The following BPGM variants were observed in gnomAD, a reference collection of about 807,000 sequenced individuals.
BPGM encodes the protein bisphosphoglycerate mutase, also known as 2,3-bisphosphoglycerate mutase, erythrocyte.
Under a neutral mutation model 21.6 loss-of-function variants are expected in BPGM, and 15 were observed. That is an observed-to-expected ratio of 0.70 (90% CI 0.47 to 1.07). BPGM has a LOEUF of 1.07. Ranked by LOEUF, BPGM falls within the 50% of genes least tolerant of loss-of-function variation. BPGM has a pLI of 0.00. For missense variants in BPGM, 273 were observed against 319.0 expected, an observed-to-expected ratio of 0.86 and a Z score of 1.10; for synonymous variants, 113 against 116.2, an observed-to-expected ratio of 0.97 and a Z score of 0.18.
chr7:134,673,396 C>T (rs182918478), intron 2 of BPGM, among the ~76,000 whole-genome samples: 77 of 152,216 alleles, frequency 5.1e-4, no homozygotes, highest in African/African-American at 1.5e-3. Flanking sequence ...TGAAATATTA[C>T]GGCGGCCTTT....
intron 2 of BPGM, among the ~76,000 whole-genome samples, chr7:134,671,869 A>G (rs758428484): frequency 5.9e-4 from 90 of 152,226 alleles, no homozygotes; most frequent in Non-Finnish European, 1.1e-3. Flanking sequence ...TGGGTGATAC[A>G]GAAATGGATC....
intron 2 of BPGM, among the ~76,000 whole-genome samples, chr7:134,669,611 C>T: frequency 6.6e-6 from 1 of 152,148 alleles, no homozygotes; most frequent in East Asian, 1.9e-4. Flanking sequence ...ATTGCAAACA[C>T]TGAAACCACA....
At chr7:134,660,803 A>G (rs1432852297) in intron 1 of BPGM, 2 of 152,770 alleles carry the variant, frequency 1.3e-5, no homozygotes, top group Non-Finnish European at 2.9e-5. Flanking sequence ...TTTGGTGTTA[A>G]TGTCTCTTTA....
intron 2 of BPGM, among the ~76,000 whole-genome samples, chr7:134,663,354 A>AGTAATGGCTT (rs1795765614): frequency 1.4e-5 from 2 of 145,822 alleles, no homozygotes; most frequent in Non-Finnish European, 3.0e-5. Flanking sequence ...TATTGGCTAG[A>AGTAATGGCTT]CATGGCACTT....
rs563063308 is a variant in BPGM at position 134,677,241 on chromosome 7, T to A, written c.602-1612T>A. ...CTTTAAAATGCTGGCAAAGGAAGAG[T>A]GTGTGTTTCTTTTCTTTCTTTCTTT... is the stretch of plus-strand genomic sequence containing the variant. On this transcript the variant is annotated intron_variant, in intron 2 of 2. Coordinates refer to ENST00000344924, the MANE Select transcript of BPGM (RefSeq NM_001724.5). Among the ~76,000 whole-genome samples, 5 of 151,712 alleles carry A rather than the reference T, an allele frequency of 3.3e-5. No homozygotes were observed. In the East Asian group the frequency reaches 9.7e-4, roughly 30 times the overall value.
intron 1 of BPGM, among the ~76,000 whole-genome samples, chr7:134,649,257 G>A (rs1020643848): frequency 1.3e-5 from 2 of 151,950 alleles, no homozygotes; most frequent in African/African-American, 2.4e-5. Flanking sequence ...CCATTACAAG[G>A]ATATACTCTT....
chr7:134,666,762 A>C (rs10273409), intron 2 of BPGM, among the ~76,000 whole-genome samples: 271 of 152,348 alleles, frequency 1.8e-3, no homozygotes, highest in African/African-American at 6.3e-3. Context: ...GGATCACTGC[A>C]TAAGTTATTG....
At chr7:134,677,358 T>TG (rs1259658465) in intron 2 of BPGM, among the ~76,000 whole-genome samples, 1 of 152,194 alleles carries the variant, frequency 6.6e-6, no homozygotes, top group Admixed American at 6.5e-5. Context: ...GGGCAGGTGA[T>TG]GGGACAGTAC....
intron 1 of BPGM, among the ~76,000 whole-genome samples, chr7:134,653,469 G>C (rs971712395): frequency 6.6e-6 from 1 of 152,190 alleles, no homozygotes; most frequent in Non-Finnish European, 1.5e-5. Flanking sequence ...AGTAAGTGCT[G>C]CCTGATCCTG....
intron 2 of BPGM, among the ~76,000 whole-genome samples, chr7:134,670,018 T>G (rs193234424): frequency 6.6e-6 from 1 of 152,252 alleles, no homozygotes; most frequent in Admixed American, 6.5e-5. Context: ...TCTCTGTGGT[T>G]GGCATAGTCA....
At chr7:134,666,258 T>C (rs1299059764) in intron 2 of BPGM, among the ~76,000 whole-genome samples, 1 of 152,186 alleles carries the variant, frequency 6.6e-6, no homozygotes, top group Non-Finnish European at 1.5e-5. Flanking sequence ...AAAATGTTTT[T>C]ATTTGGGGGA....
intron 2 of BPGM, among the ~76,000 whole-genome samples, chr7:134,676,329 T>C (rs1795982638): frequency 6.6e-6 from 1 of 152,246 alleles, no homozygotes; most frequent in African/African-American, 2.4e-5. Flanking sequence ...AAGATGCTGA[T>C]AGATATATAC....
intron 2 of BPGM, among the ~76,000 whole-genome samples, chr7:134,673,253 C>T (rs1795934126): frequency 6.6e-6 from 1 of 152,056 alleles, no homozygotes; most frequent in Non-Finnish European, 1.5e-5. Context: ...ATTAACCAGT[C>T]TAAGTATTTT....
chr7:134,674,132 T>C (rs1487718330), intron 2 of BPGM, among the ~76,000 whole-genome samples: 1 of 151,978 alleles, frequency 6.6e-6, no homozygotes, highest in Admixed American at 6.6e-5. Context: ...AGGCTGGTCT[T>C]GAACTCCTGA....
intron 2 of BPGM, among the ~76,000 whole-genome samples, 195 bp from the exon 3 acceptor site, chr7:134,678,658 G>C (rs1232085922): frequency 6.6e-6 from 1 of 152,226 alleles, no homozygotes; most frequent in Non-Finnish European, 1.5e-5. Flanking sequence ...TGTAGCACTT[G>C]CTGTGAATCT....
At position 134,661,922 on chromosome 7, in the gene BPGM, G is replaced by A. The variant is rs781203617; in HGVS notation, c.415G>A (p.Asp139Asn). The change falls in exon 2 of 3, where the codon GAC becomes AAC. Residue 139 changes from aspartate to asparagine, a missense_variant. By Grantham distance (23) the Asp-to-Asn change is conservative. Transcript: ENST00000344924. This position sits in a 1 kb window ranked among gnomAD's most constrained non-coding sequence, Gnocchi z 4.6. Reference protein sequence around the residue: ...SHPYYQEIYNDRRYKVCDVPL... With the variant: ...SHPYYQEIYNNRRYKVCDVPL... ...TCCTTACTACCAAGAAATCTACAAC[G>A]ACCGGAGGTATAAAGTATGCGATGT... 7 of 1,613,260 alleles carry A rather than the reference G, an allele frequency of 4.3e-6. No individual in the cohort carries two copies. Among genetic ancestry groups the A allele is most frequent in the South Asian group, 1.1e-5 (1 of 91,034 alleles).
rs984320624 is a variant in BPGM at position 134,646,883 on chromosome 7, C to T, written c.-116C>T. 8 of 186,928 alleles carry T rather than the reference C, an allele frequency of 4.3e-5. No homozygotes were observed. The highest frequency in any genetic ancestry group is 1.1e-5 in the Non-Finnish European group (1 of 87,196). 11.6% of individuals were successfully genotyped at this position (186,928 alleles called of 1,614,324 possible). A position where few individuals can be genotyped will look rare whatever the true frequency, so the allele number is the denominator to read the frequency against. On this transcript the variant is annotated 5_prime_UTR_variant, in exon 1 of 3. Coordinates refer to ENST00000344924, the MANE Select transcript of BPGM (RefSeq NM_001724.5). ...GTCCTAGGAGGCGCTGGCTCTTTGGCGGCTCGGAGGAGCGGCTGCTGCTGC... is the reference window on the plus strand; with the variant it reads ...GTCCTAGGAGGCGCTGGCTCTTTGGTGGCTCGGAGGAGCGGCTGCTGCTGC...
intron 2 of BPGM, among the ~76,000 whole-genome samples, chr7:134,671,595 G>A (rs1054046601): frequency 1.3e-5 from 2 of 152,082 alleles, no homozygotes; most frequent in African/African-American, 4.8e-5. Flanking sequence ...TCGATCTCCT[G>A]ACCTCGTGAT....
At chr7:134,649,886 C>T (rs575135302) in intron 1 of BPGM, among the ~76,000 whole-genome samples, 1 of 152,300 alleles carries the variant, frequency 6.6e-6, no homozygotes, top group East Asian at 1.9e-4. Flanking sequence ...ATATCATCGG[C>T]AAGGTAGGAT....
Sources: allele counts gnomAD v4.1 joint callset (sites outside exome capture counted in the v4.1 genomes callset), GRCh38; gene constraint gnomAD v4.1.1; non-coding constraint Gnocchi (gnomAD v3.1); transcripts MANE v1.5; gene names NCBI Gene and HGNC (gene_info 2026-07-23, HGNC 2026-07-21).